Variants in EDDM3B observed in about 807,000 individuals in gnomAD.
EDDM3B encodes the protein epididymal secretory protein E3-beta.
For missense variants in EDDM3B, 189 were observed against 178.3 expected, an observed-to-expected ratio of 1.06 and a Z score of -0.34; for synonymous variants, 71 against 59.1, an observed-to-expected ratio of 1.20 and a Z score of -0.92.
chr14:20,769,214 A>G (rs1019720092), intron 1 of EDDM3B, among the ~76,000 whole-genome samples: 2 of 152,160 alleles, frequency 1.3e-5, no homozygotes, highest in Admixed American at 6.5e-5. Flanking sequence ...CCTGGCCAAC[A>G]TGGCGAAACA....
In EDDM3B at chr14:20,770,526, C is replaced by G. The variant is rs1374283423; in HGVS notation, c.376C>G (p.His126Asp). ...ESRSFNYIEF[H>D]CSMDGYVDSI... ...CAGGAGCTTCAACTACATTGAATTC[C>G]ATTGTAGCATGGACGGGTATGTTGA... is the stretch of plus-strand genomic sequence containing the variant. The change falls in exon 2 of 2, where the codon CAT (histidine) becomes GAT (aspartate). Residue 126 changes from histidine (H) to aspartate (D), a missense_variant. Coordinates refer to ENST00000326783, the MANE Select transcript of EDDM3B (RefSeq NM_022360.5). 4 of 1,614,026 alleles carry G rather than the reference C, an allele frequency of 2.5e-6. No individual in the cohort carries two copies. The highest frequency in any genetic ancestry group is 3.4e-6 in the Non-Finnish European group (4 of 1,180,010).
At chr14:20,769,728 T>TA (rs1248736650) in intron 1 of EDDM3B, among the ~76,000 whole-genome samples, 6 of 152,196 alleles carry the variant, frequency 3.9e-5, no homozygotes, top group African/African-American at 1.4e-4. Flanking sequence ...TACATTTCCC[T>TA]AAAATCTGAC....
At chr14:20,769,391 C>T (rs1013740323) in intron 1 of EDDM3B, among the ~76,000 whole-genome samples, 1 of 152,120 alleles carries the variant, frequency 6.6e-6, no homozygotes, top group African/African-American at 2.4e-5. Context: ...CACAGTGAGA[C>T]TCTGTCTCAA....
rs1347438549 is a variant in EDDM3B at position 20,770,676 on chromosome 14, C to A, written c.*82C>A. On this transcript the variant is annotated 3_prime_UTR_variant, in exon 2 of 2. Transcript: ENST00000326783. ...GCCCCTGCCTCCATCAATAGTCCTA[C>A]CACTCCCCTCTTGCATTTATTTGTC... The A allele has an allele frequency of 2.8e-6, 3 of 1,052,804 alleles. No individual in the cohort carries two copies. The highest frequency in any genetic ancestry group is 4.2e-6 in the Non-Finnish European group (3 of 718,784). The allele number at this position is 1,052,804 out of a possible 1,614,324, so 65.2% of individuals were successfully genotyped here.
Position 20,770,833 on chromosome 14 carries a change from T to G in EDDM3B, c.*239T>G. 28 of 440,650 alleles carry G rather than the reference T, an allele frequency of 6.4e-5. No homozygotes were observed. Among genetic ancestry groups the G allele is most frequent in the East Asian group, 1.3e-4 (3 of 23,822 alleles). 27.3% of individuals were successfully genotyped at this position (440,650 alleles called of 1,614,324 possible). A position where few individuals can be genotyped will look rare whatever the true frequency, so the allele number is the denominator to read the frequency against. ...ATTTACTCTTATACTTTTGTCGACA[T>G]TCAGCTCATATGGCATCTGTTCTTG... On this transcript the variant is annotated 3_prime_UTR_variant, in exon 2 of 2. Coordinates refer to ENST00000326783, the MANE Select transcript of EDDM3B (RefSeq NM_022360.5).
Position 20,770,423 on chromosome 14 carries a change from T to C in EDDM3B, c.273T>C (p.Asn91=), listed in dbSNP as rs1385394745. Residue 91 remains asparagine, a synonymous_variant, in exon 2 of 2, where the codon AAT becomes AAC. Coordinates refer to ENST00000326783, the MANE Select transcript of EDDM3B (RefSeq NM_022360.5). Reference sequence around the variant, plus strand: ...ACAACTGGATGGATCGCTTCCGAAATGCATATGTATGGGTCCAGAATCCTC... The same window carrying C: ...ACAACTGGATGGATCGCTTCCGAAACGCATATGTATGGGTCCAGAATCCTC... The part of the protein sequence containing the change: ...TSDNWMDRFR[N]AYVWVQNPLK... The C allele has an allele frequency of 1.9e-6, 3 of 1,614,164 alleles. No individual in the cohort carries two copies. Among genetic ancestry groups the C allele is most frequent in the Non-Finnish European group, 8.5e-7 (1 of 1,180,040 alleles).
In EDDM3B at chr14:20,770,021, G is replaced by A. The variant is rs1878289686; in HGVS notation, c.-18-112G>A. 4 of 831,804 alleles carry A rather than the reference G, an allele frequency of 4.8e-6. No homozygotes were observed. The East Asian group carries it at 8.1e-5, about 17-fold the overall frequency. The allele number at this position is 831,804 out of a possible 1,614,324, so 51.5% of individuals were successfully genotyped here. ...CATCTTCTCATCGGGGAACCAAATA[G>A]TAAAATTGCACCCAAGTGCCTGCCT... On this transcript the variant is annotated intron_variant, in intron 1 of 1. Transcript: ENST00000326783.
chr14:20,768,954 G>C (rs752269240), intron 1 of EDDM3B, among the ~76,000 whole-genome samples: 2 of 152,144 alleles, frequency 1.3e-5, no homozygotes, highest in African/African-American at 4.8e-5. Context: ...AGTAAGGGCG[G>C]GAACACTTCT....
rs1878303693 is a variant in EDDM3B at position 20,770,346 on chromosome 14, C to T, written c.196C>T (p.His66Tyr). Residue 66 changes from histidine (H) to tyrosine (Y), a missense_variant, in exon 2 of 2, where the codon CAC becomes TAC. Transcript: ENST00000326783. ...TGAAGCTCTGAAAGACAAGAGCTCT[C>T]ACATGTTTATCTATATCTCATGGTA... ...ENEALKDKSS[H>Y]MFIYISWYKI... 1 of 1,614,182 alleles carries T rather than the reference C, an allele frequency of 6.2e-7. No individual in the cohort carries two copies.
rs374543846 is a variant in EDDM3B at position 20,770,141 on chromosome 14, G to C, written c.-10G>C. ...TCTCTGTGGACACGCAGGCGGCCCC[G>C]GTGACTGAGATGGCATCGTCTCTAA... On this transcript the variant is annotated 5_prime_UTR_variant, in exon 2 of 2. Transcript: ENST00000326783. 1 of 1,596,534 alleles carries C rather than the reference G, an allele frequency of 6.3e-7. No individual in the cohort carries two copies. Among genetic ancestry groups the C allele is most frequent in the East Asian group, 2.2e-5 (1 of 44,638 alleles).
In EDDM3B at chr14:20,770,386, T is replaced by C; in HGVS notation, c.236T>C (p.Ile79Thr). 3 of 1,614,172 alleles carry C rather than the reference T, an allele frequency of 1.9e-6. No homozygotes were observed. Among genetic ancestry groups the C allele is most frequent in the Non-Finnish European group, 2.5e-6 (3 of 1,180,036 alleles). Residue 79 changes from isoleucine (I) to threonine (T), a missense_variant, in exon 2 of 2, where the codon ATA becomes ACA. Transcript: ENST00000326783. Reference protein sequence around the residue: ...IYISWYKIEHICTSDNWMDRF... With the variant: ...IYISWYKIEHTCTSDNWMDRF... ...ATCTCATGGTACAAAATCGAGCATA[T>C]ATGCACTAGTGACAACTGGATGGAT...
chr14:20,770,188 C>A lies in EDDM3B; in HGVS notation c.38C>A (p.Ala13Asp), dbSNP rs1388778587. The A allele has an allele frequency of 6.2e-7, 1 of 1,613,912 alleles. No individual in the cohort carries two copies. Among genetic ancestry groups the A allele is most frequent in the Non-Finnish European group, 8.5e-7 (1 of 1,179,918 alleles). Reference protein sequence around the residue: ...SSLKIWGTLLALLCILCTLLV... With the variant: ...SSLKIWGTLLDLLCILCTLLV... The stretch of plus-strand genomic sequence containing the variant: ...CTAAAGATCTGGGGCACACTCTTGG[C>A]CCTACTTTGCATCCTATGCACACTG... Residue 13 changes from alanine (A) to aspartate (D), a missense_variant, in exon 2 of 2, where the codon GCC becomes GAC. Coordinates refer to ENST00000326783, the MANE Select transcript of EDDM3B (RefSeq NM_022360.5).
Position 20,770,379 on chromosome 14 carries a change from G to C in EDDM3B, c.229G>C (p.Glu77Gln). The change falls in exon 2 of 2, where the codon GAG (glutamate) becomes CAG (glutamine). Residue 77 changes from glutamate to glutamine, a missense_variant. Coordinates refer to ENST00000326783, the MANE Select transcript of EDDM3B (RefSeq NM_022360.5). ...MFIYISWYKI[E>Q]HICTSDNWMD... ...TATCTATATCTCATGGTACAAAATC[G>C]AGCATATATGCACTAGTGACAACTG... 1 of 1,614,030 alleles carries C rather than the reference G, an allele frequency of 6.2e-7. No homozygotes were observed. Among genetic ancestry groups the C allele is most frequent in the Non-Finnish European group, 8.5e-7 (1 of 1,180,012 alleles).
Position 20,770,178 on chromosome 14 carries a change from A to G in EDDM3B, c.28A>G (p.Thr10Ala). The G allele has an allele frequency of 6.2e-7, 1 of 1,612,932 alleles. No individual in the cohort carries two copies. The highest frequency in any genetic ancestry group is 8.5e-7 in the Non-Finnish European group (1 of 1,179,132). MASSLKIWGTLLALLCILCT... is the reference protein window; with the variant it reads MASSLKIWGALLALLCILCT... ...GGCATCGTCTCTAAAGATCTGGGGC[A>G]CACTCTTGGCCCTACTTTGCATCCT... The change falls in exon 2 of 2, where the codon ACA becomes GCA. Residue 10 changes from threonine (T) to alanine (A), a missense_variant. Coordinates refer to ENST00000326783, the MANE Select transcript of EDDM3B (RefSeq NM_022360.5).
chr14:20,770,337 A>T lies in EDDM3B; in HGVS notation c.187A>T (p.Lys63Ter). The T allele has an allele frequency of 6.2e-7, 1 of 1,614,228 alleles. No homozygotes were observed. The highest frequency in any genetic ancestry group is 8.5e-7 in the Non-Finnish European group (1 of 1,180,040). Residue 63 changes from lysine to a stop codon, truncating the protein, a stop_gained, in exon 2 of 2, where the codon AAG (lysine) becomes TAG (stop). Coordinates refer to ENST00000326783, the MANE Select transcript of EDDM3B (RefSeq NM_022360.5). LOFTEE classifies it low-confidence loss of function (END_TRUNC). ...GAGAGAAAATGAAGCTCTGAAAGACAAGAGCTCTCACATGTTTATCTATAT... is the reference window on the plus strand; with the variant it reads ...GAGAGAAAATGAAGCTCTGAAAGACTAGAGCTCTCACATGTTTATCTATAT... Reference protein sequence around the residue: ...LMRENEALKDKSSHMFIYISW... With the variant: ...LMRENEALKD
chr14:20,770,435 G>T lies in EDDM3B; in HGVS notation c.285G>T (p.Trp95Cys), dbSNP rs1878308487. The T allele has an allele frequency of 1.2e-6, 2 of 1,613,930 alleles. No homozygotes were observed. The highest frequency in any genetic ancestry group is 2.7e-5 in the African/African-American group (2 of 74,856). ...ATCGCTTCCGAAATGCATATGTATG[G>T]GTCCAGAATCCTCTCAAAGTACTCA... Reference protein sequence around the residue: ...WMDRFRNAYVWVQNPLKVLKC... With the variant: ...WMDRFRNAYVCVQNPLKVLKC... Residue 95 changes from tryptophan (W) to cysteine (C), a missense_variant, in exon 2 of 2, where the codon TGG becomes TGT. Trp to Cys is a radical substitution (Grantham distance 215). Transcript: ENST00000326783.
intron 1 of EDDM3B, among the ~76,000 whole-genome samples, chr14:20,769,760 A>G (rs1878280018): frequency 6.6e-6 from 1 of 152,202 alleles, no homozygotes; most frequent in African/African-American, 2.4e-5. Flanking sequence ...CTTCAAGGAC[A>G]TAAACCTTAA....
chr14:20,769,337 T>C (rs554391175), intron 1 of EDDM3B, among the ~76,000 whole-genome samples: 2 of 152,260 alleles, frequency 1.3e-5, no homozygotes, highest in Non-Finnish European at 2.9e-5. Context: ...GAGGTGAAGG[T>C]TGCAGTGAGC....
At chr14:20,769,683 C>T (rs1347011589) in intron 1 of EDDM3B, among the ~76,000 whole-genome samples, 4 of 152,192 alleles carry the variant, frequency 2.6e-5, no homozygotes, top group Admixed American at 2.6e-4. Context: ...AGCCTTCCTA[C>T]CTAGGAACCA....
Sources: allele counts gnomAD v4.1 joint callset (sites outside exome capture counted in the v4.1 genomes callset), GRCh38; gene constraint gnomAD v4.1.1; transcripts MANE v1.5; gene names NCBI Gene and HGNC (gene_info 2026-07-23, HGNC 2026-07-21).